HCN1: variants seen among roughly 807,000 people sequenced by gnomAD.
HCN1 encodes the protein hyperpolarization activated cyclic nucleotide gated potassium channel 1.
Under a neutral mutation model 78.9 loss-of-function variants are expected in HCN1, and 13 were observed. The ratio of observed to expected loss-of-function variants is 0.16; its 90% CI spans 0.11 to 0.26. The LOEUF (loss-of-function observed/expected upper bound fraction) is 0.26, where lower values mean the gene tolerates loss of function less well. Among genes scored for constraint, HCN1 ranks in the 10% least tolerant of loss-of-function variants. HCN1 has a pLI of 1.00. For missense variants in HCN1, 810 were observed against 1,154.3 expected, an observed-to-expected ratio of 0.70 and a Z score of 4.32; for synonymous variants, 552 against 455.5, an observed-to-expected ratio of 1.21 and a Z score of -2.70.
At chr5:45,433,791 A>T (rs1740510988) in intron 3 of HCN1, among the ~76,000 whole-genome samples, 1 of 152,178 alleles carries the variant, frequency 6.6e-6, no homozygotes, top group South Asian at 2.1e-4. Flanking sequence ...GGAGAAGCAA[A>T]AGTGAAAAAA....
At chr5:45,348,682 C>T (rs553877193) in intron 5 of HCN1, among the ~76,000 whole-genome samples, 3 of 152,104 alleles carry the variant, frequency 2.0e-5, no homozygotes, top group Admixed American at 6.5e-5. Flanking sequence ...GGAAGATCTA[C>T]CAAGCAAATG....
intron 2 of HCN1, among the ~76,000 whole-genome samples, chr5:45,550,318 TA>T (rs1200565064): frequency 6.6e-6 from 1 of 152,086 alleles, no homozygotes; most frequent in East Asian, 1.9e-4. Flanking sequence ...TATGCAGCCA[TA>T]AAAAATGATG....
chr5:45,545,592 A>G (rs1473219134), intron 2 of HCN1, among the ~76,000 whole-genome samples: 4 of 152,026 alleles, frequency 2.6e-5, no homozygotes, highest in Non-Finnish European at 5.9e-5. Context: ...TCTAACATGT[A>G]AATCTTTAAT....
chr5:45,534,135 C>T (rs1742916178), intron 2 of HCN1, among the ~76,000 whole-genome samples: 1 of 151,878 alleles, frequency 6.6e-6, no homozygotes, highest in Non-Finnish European at 1.5e-5. Context: ...GTGGCTCATG[C>T]CTGTAATCCC....
chr5:45,400,883 G>A (rs1234461928), intron 3 of HCN1, among the ~76,000 whole-genome samples: 1 of 151,762 alleles, frequency 6.6e-6, no homozygotes. Flanking sequence ...CCATGATTCT[G>A]GCTTTTTTTC....
At position 45,498,034 on chromosome 5, in the gene HCN1, C is replaced by G. The variant is rs1353948396; in HGVS notation, c.850-36027G>C. On this transcript the variant is annotated intron_variant, in intron 2 of 7. Transcript: ENST00000303230. ...GCCCTTAACATTTTTTCCTTCATTT[C>G]AACTTTGGTGAATCTGACAATTATG... 2.6e-5 allele frequency among the ~76,000 whole-genome samples: 4 copies of G among 152,104 alleles called. 1 individual carries two copies. The highest frequency in any genetic ancestry group is 5.9e-5 in the Non-Finnish European group (4 of 68,020).
chr5:45,680,411 T>C (rs889890744), intron 1 of HCN1, among the ~76,000 whole-genome samples: 1 of 152,172 alleles, frequency 6.6e-6, no homozygotes, highest in Non-Finnish European at 1.5e-5. Flanking sequence ...TAATACCTCC[T>C]TTCTATTTGA....
intron 2 of HCN1, among the ~76,000 whole-genome samples, chr5:45,620,170 A>C (rs1023859896): frequency 6.6e-6 from 1 of 152,092 alleles, no homozygotes; most frequent in African/African-American, 2.4e-5. Context: ...GGTGGCAAAA[A>C]ACAAGGAAAG....
intron 4 of HCN1, among the ~76,000 whole-genome samples, chr5:45,393,131 T>C (rs1739617675): frequency 1.3e-5 from 2 of 152,206 alleles, no homozygotes; most frequent in African/African-American, 4.8e-5. Context: ...AAAGTTATTC[T>C]TTGGTCATAT....
intron 3 of HCN1, among the ~76,000 whole-genome samples, chr5:45,447,794 CA>C (rs1048605344): frequency 6.6e-6 from 1 of 151,876 alleles, no homozygotes; most frequent in Non-Finnish European, 1.5e-5. Context: ...AGGTTCACCT[CA>C]AAAAGGGGGA....
chr5:45,590,394 C>T (rs963199892), intron 2 of HCN1, among the ~76,000 whole-genome samples: 1 of 152,194 alleles, frequency 6.6e-6, no homozygotes, highest in Non-Finnish European at 1.5e-5. Flanking sequence ...CTTCCTCCAA[C>T]ATCAACATCC....
intron 5 of HCN1, among the ~76,000 whole-genome samples, chr5:45,347,064 C>G (rs1746735666): frequency 6.6e-6 from 1 of 152,206 alleles, no homozygotes; most frequent in Admixed American, 6.5e-5. Context: ...ACTGCCTCCC[C>G]AAGTGGGTCC....
chr5:45,299,333 T>C (rs1048619029), intron 6 of HCN1, among the ~76,000 whole-genome samples: 1 of 151,990 alleles, frequency 6.6e-6, no homozygotes, highest in African/African-American at 2.4e-5. Context: ...ATTATGTAAA[T>C]ATAAAGCCCC....
At chr5:45,617,078 GA>G (rs1744973010) in intron 2 of HCN1, among the ~76,000 whole-genome samples, 1 of 151,898 alleles carries the variant, frequency 6.6e-6, no homozygotes, top group African/African-American at 2.4e-5. Context: ...ATCAAATTTT[GA>G]AAAACAGAAA....
intron 3 of HCN1, among the ~76,000 whole-genome samples, chr5:45,396,931 C>T (rs1335141656): frequency 2.6e-5 from 4 of 152,116 alleles, no homozygotes; most frequent in Non-Finnish European, 5.9e-5. Flanking sequence ...TACTTACATG[C>T]GCTTTGTCAG....
intron 2 of HCN1, among the ~76,000 whole-genome samples, chr5:45,536,216 T>C (rs1742966819): frequency 6.6e-6 from 1 of 152,206 alleles, no homozygotes; most frequent in African/African-American, 2.4e-5. Context: ...TTACTGTATT[T>C]TTGGATCTGT....
At chr5:45,266,389 G>T (rs1156791987) in intron 7 of HCN1, among the ~76,000 whole-genome samples, 1 of 151,754 alleles carries the variant, frequency 6.6e-6, no homozygotes, top group African/African-American at 2.4e-5. Context: ...CTAATATAAA[G>T]ATAAAATGTA....
At chr5:45,466,261 C>T (rs538078999) in intron 2 of HCN1, among the ~76,000 whole-genome samples, 5 of 152,244 alleles carry the variant, frequency 3.3e-5, no homozygotes, top group South Asian at 2.1e-4. Context: ...GTATATAAAA[C>T]GAATGACCTT....
chr5:45,626,495 T>C (rs1189339758), intron 2 of HCN1, among the ~76,000 whole-genome samples: 1 of 152,034 alleles, frequency 6.6e-6, no homozygotes, highest in Non-Finnish European at 1.5e-5. Flanking sequence ...AACATATAAA[T>C]AAAACCATTC....
Sources: allele counts gnomAD v4.1 joint callset (sites outside exome capture counted in the v4.1 genomes callset), GRCh38; gene constraint gnomAD v4.1.1; transcripts MANE v1.5; gene names NCBI Gene and HGNC (gene_info 2026-07-23, HGNC 2026-07-21).